The following GNAS variants were observed in gnomAD, a reference collection of about 807,000 sequenced individuals.
The protein encoded by GNAS is protein ALEX.
In GNAS, 8 loss-of-function variants were observed where a neutral mutation model predicts 54.5. That is an observed-to-expected ratio of 0.15 (90% CI 0.09 to 0.26). The LOEUF (loss-of-function observed/expected upper bound fraction) is 0.26, where lower values mean the gene tolerates loss of function less well. GNAS is among the 10% of genes least tolerant of loss of function. The pLI is 1.00. For missense variants in GNAS, 170 were observed against 529.8 expected (o/e 0.32, Z 6.67); for synonymous variants, 204 against 191.4 (o/e 1.07, Z -0.54).
chr20:58,860,359 T>A (rs987212983), intron 1 of GNAS, among the ~76,000 whole-genome samples: 5 of 152,080 alleles, frequency 3.3e-5, no homozygotes, highest in African/African-American at 1.2e-4. Flanking sequence ...TTTGTTTTGT[T>A]TTGTTTTTTT....
chr20:58,840,950 G>A lies in GNAS; in HGVS notation c.43+64G>A. On this transcript the variant is annotated intron_variant, in intron 1 of 12. Coordinates refer to the GNAS transcript ENST00000306090. The surrounding 1 kb of genome is among the most constrained non-coding windows in gnomAD (Gnocchi z 6.0). ...GTGTGGGAGCAGCGCAGGTGGAAAGGAGGTGAGAAGGAAAGGCAGGTCAGG... is the reference window on the plus strand; with the variant it reads ...GTGTGGGAGCAGCGCAGGTGGAAAGAAGGTGAGAAGGAAAGGCAGGTCAGG... The A allele has an allele frequency of 2.6e-6, 4 of 1,555,172 alleles. No individual in the cohort carries two copies. The highest frequency in any genetic ancestry group is 3.5e-6 in the Non-Finnish European group (4 of 1,137,846).
chr20:58,900,846 T>C (rs893334604), intron 3 of GNAS, among the ~76,000 whole-genome samples: 1 of 152,250 alleles, frequency 6.6e-6, no homozygotes, highest in African/African-American at 2.4e-5. Flanking sequence ...TGTTTTAGTA[T>C]TACACACCCG....
chr20:58,846,868 A>T (rs1002248900), intron 1 of GNAS, among the ~76,000 whole-genome samples: 3 of 152,202 alleles, frequency 2.0e-5, no homozygotes, highest in Admixed American at 6.5e-5. Context: ...GAATTGCAGA[A>T]ATTTTAAGCA....
rs1249551272 is a variant in GNAS, at chr20:58,910,677, C to G, written c.1039-6C>G. On this transcript the variant is annotated splice_polypyrimidine_tract_variant and splice_region_variant and intron_variant, in intron 12 of 12. Coordinates refer to ENST00000371085, the MANE Select transcript of GNAS (RefSeq NM_000516.7). The surrounding 1 kb of genome is among the most constrained non-coding windows in gnomAD (Gnocchi z 5.8). ...CACTGACAAGTCCCCTTGTTTGTGC[C>G]CGCAGAGGATCAGCACTGCCAGTGG... 6.2e-7 allele frequency: 1 copy of G among 1,614,060 alleles called. No homozygotes were observed. Among genetic ancestry groups the G allele is most frequent in the Non-Finnish European group, 8.5e-7 (1 of 1,179,966 alleles).
At chr20:58,844,717 G>A (rs188995765) in intron 1 of GNAS, among the ~76,000 whole-genome samples, 159 of 151,664 alleles carry the variant, frequency 1.0e-3, no homozygotes, top group African/African-American at 1.7e-3. Context: ...AAAAAACATC[G>A]AAAGTTGCTC....
chr20:58,852,914 G>A (rs2086241225), intron 1 of GNAS: 2 of 716,406 alleles, frequency 2.8e-6, no homozygotes, highest in African/African-American at 1.8e-5. Context: ...GGACCGAATC[G>A]GCACGCTCGT....
Position 58,901,932 on chromosome 20 carries a change from C to T in GNAS, c.258-1599C>T, listed in dbSNP as rs115094603. Among the ~76,000 whole-genome samples the T allele has an allele frequency of 8.2e-3, 1,228 of 150,446 alleles. 14 individuals are homozygous for T. Among genetic ancestry groups the T allele is most frequent in the African/African-American group, 0.028 (1,147 of 40,862 alleles). On this transcript the variant is annotated intron_variant, in intron 3 of 12. Transcript: ENST00000371085. ...TAACCTCCCTTCGCCTTTCCTCTGC[C>T]TTAACTGTCGTGTTCTAGTCTGGAG... is the stretch of plus-strand genomic sequence containing the variant.
At position 58,907,385 on chromosome 20, in the gene GNAS, T is replaced by C. The variant is rs142240560; in HGVS notation, c.531-1777T>C. ...ACAAAGTCCCTGATTTTCTCAAAAG[T>C]TCGAACCAAAAGCTGGAAGCGCTAA... On this transcript the variant is annotated intron_variant, in intron 6 of 12. Coordinates refer to ENST00000371085, the MANE Select transcript of GNAS (RefSeq NM_000516.7). Among the ~76,000 whole-genome samples the C allele has an allele frequency of 7.6e-3, 1,154 of 152,322 alleles. 12 individuals carry two copies. Among genetic ancestry groups the C allele is most frequent in the Middle Eastern group, 0.037 (11 of 294 alleles).
intron 1 of GNAS, chr20:58,842,379 A>T: frequency 2.5e-6 from 1 of 398,290 alleles, no homozygotes; most frequent in Non-Finnish European, 4.4e-6. Flanking sequence ...CTTGAGATGA[A>T]TGACGGTCAG....
At chr20:58,887,801 C>A (rs1015212592), upstream of GNAS, among the ~76,000 whole-genome samples, 11 of 152,132 alleles carry the variant, frequency 7.2e-5, no homozygotes. Flanking sequence ...GACTTTGAAT[C>A]GCCCTCTGTT....
chr20:58,840,096 T>C (rs969325846), upstream of GNAS: 1 of 1,609,850 alleles, frequency 6.2e-7, no homozygotes, highest in Admixed American at 1.7e-5. The surrounding 1 kb of genome is among the most constrained non-coding windows in gnomAD (Gnocchi z 6.0). Flanking sequence ...TCTCGGTGTG[T>C]GCCTAAGAGG....
chr20:58,849,821 C>A (rs865945693), intron 1 of GNAS, among the ~76,000 whole-genome samples: 1 of 152,206 alleles, frequency 6.6e-6, no homozygotes, highest in African/African-American at 2.4e-5. Flanking sequence ...GTGCATAACC[C>A]CTTTCCTTTG....
chr20:58,862,681 C>T (rs2086841238), intron 1 of GNAS, among the ~76,000 whole-genome samples: 1 of 151,650 alleles, frequency 6.6e-6, no homozygotes, highest in African/African-American at 2.4e-5. Context: ...TTTCAGAGTA[C>T]ATTCTTTGTT....
In GNAS at chr20:58,841,743, G is replaced by C. The variant is rs1380110369; in HGVS notation, c.43+857G>C. 2 of 1,227,440 alleles carry C rather than the reference G, an allele frequency of 1.6e-6. No individual in the cohort carries two copies. Among genetic ancestry groups the C allele is most frequent in the Non-Finnish European group, 2.0e-6 (2 of 985,720 alleles). 76.0% of individuals were successfully genotyped at this position (1,227,440 alleles called of 1,614,324 possible). On this transcript the variant is annotated intron_variant, in intron 1 of 12. Coordinates refer to the GNAS transcript ENST00000306090. The surrounding 1 kb of genome is among the most constrained non-coding windows in gnomAD (Gnocchi z 5.0). ...CTACCAGGGTTGAACGCACAGGCAT[G>C]GTCACGTCGGGGTATTGCCAAGCTT...
chr20:58,871,613 GA>G (rs757702769), intron 1 of GNAS, among the ~76,000 whole-genome samples: 1,262 of 32,704 alleles, frequency 0.039, 9 homozygotes, highest in Admixed American at 0.11. Flanking sequence ...ATACTCCGTC[GA>G]AAAAAAAAAA....
At chr20:58,850,920 T>C (rs948744259) in intron 1 of GNAS, 21 of 398,504 alleles carry the variant, frequency 5.3e-5, no homozygotes, top group Non-Finnish European at 6.6e-5. Flanking sequence ...CTCCCACCCA[T>C]ATCCGGTTTC....
Position 58,863,199 on chromosome 20 carries a change from A to ATTTT in GNAS, c.43+22313_43+22314insTTTT, listed in dbSNP as rs2086871414. Among the ~76,000 whole-genome samples, 3 of 152,214 alleles carry ATTTT rather than the reference A, an allele frequency of 2.0e-5. No individual in the cohort carries two copies. Among genetic ancestry groups the ATTTT allele is most frequent in the Admixed American group, 1.3e-4 (2 of 15,284 alleles). On this transcript the variant is annotated intron_variant, in intron 1 of 12. Coordinates refer to the GNAS transcript ENST00000306090. This position sits in a 1 kb window ranked among gnomAD's most constrained non-coding sequence, Gnocchi z 4.1. ...TCAGTGGAGCGCTTTTCTACATGCA[A>ATTTT]CAACTGGGAGCTATGCTATGGGAAG...
intron 1 of GNAS, among the ~76,000 whole-genome samples, chr20:58,892,865 C>T (rs1463169321): frequency 2.0e-5 from 3 of 149,166 alleles, no homozygotes; most frequent in Non-Finnish European, 3.0e-5. Context: ...TTAATTGTAG[C>T]AGCTGCCCCC....
intron 1 of GNAS, 148 bp downstream of exon 1, chr20:58,892,013 C>A (rs1224688417): frequency 1.3e-6 from 1 of 797,658 alleles, no homozygotes; most frequent in African/African-American, 1.9e-5. Context: ...GGGGCGAGGC[C>A]GGAAGGGGGA....
Sources: allele counts gnomAD v4.1 joint callset (sites outside exome capture counted in the v4.1 genomes callset), GRCh38; gene constraint gnomAD v4.1.1; non-coding constraint Gnocchi (gnomAD v3.1); transcripts MANE v1.5; gene names NCBI Gene and HGNC (gene_info 2026-07-23, HGNC 2026-07-21).